BEND6: variants seen among roughly 807,000 people sequenced by gnomAD.
The protein encoded by BEND6 is BEN domain-containing protein 6.
A neutral mutation model predicts 31.8 loss-of-function variants in BEND6; 24 were observed. The ratio of observed to expected loss-of-function variants is 0.75; its 90% CI spans 0.55 to 1.06. BEND6 has a LOEUF of 1.06. BEND6 is among the 50% of genes least tolerant of loss of function. The pLI is 0.00. For synonymous variants in BEND6, 109 were observed against 114.6 expected (o/e 0.95, Z 0.31); for missense variants, 294 against 327.4 (o/e 0.90, Z 0.79).
At chr6:57,021,541 A>G (rs1215067763) in intron 6 of BEND6, among the ~76,000 whole-genome samples, 1 of 151,940 alleles carries the variant, frequency 6.6e-6, no homozygotes, top group Non-Finnish European at 1.5e-5. Context: ...TTTTTTTAAT[A>G]TATTCTTTCT....
At chr6:56,985,846 C>T (rs1826247997) in intron 2 of BEND6, among the ~76,000 whole-genome samples, 1 of 152,090 alleles carries the variant, frequency 6.6e-6, no homozygotes, top group African/African-American at 2.4e-5. Flanking sequence ...GCACTAATAC[C>T]TTATCTATTG....
intron 1 of BEND6, among the ~76,000 whole-genome samples, chr6:56,968,520 C>T (rs1825572569): frequency 6.6e-6 from 1 of 151,110 alleles, no homozygotes; most frequent in African/African-American, 2.4e-5. Flanking sequence ...AATGGATTCT[C>T]ACCATGTTGC....
At chr6:56,974,865 A>G (rs764306996) in intron 1 of BEND6, among the ~76,000 whole-genome samples, 2 of 152,218 alleles carry the variant, frequency 1.3e-5, no homozygotes, top group Non-Finnish European at 2.9e-5. Context: ...TCACATCTAT[A>G]ATCCCAGCAG....
rs1827912880 is a variant in BEND6, at chr6:57,026,670, T to TTTATACA, written c.*598_*599insTTATACA. On this transcript the variant is annotated 3_prime_UTR_variant, in exon 7 of 7. Transcript: ENST00000370746. ...AGGATTATTCTGTTATCTAAAAATG[T>TTTATACA]ATAAAATGGGAATATGAAAAAAATG... 2 of 152,248 alleles carry TTTATACA rather than the reference T, an allele frequency of 1.3e-5. No individual in the cohort carries two copies. The highest frequency in any genetic ancestry group is 2.9e-5 in the Non-Finnish European group (2 of 68,042). The allele number at this position is 152,248 out of a possible 1,614,324, so 9.4% of individuals were successfully genotyped here. A position where few individuals can be genotyped will look rare whatever the true frequency, so the allele number is the denominator to read the frequency against.
At chr6:57,007,470 T>TG (rs751003519) in intron 3 of BEND6, among the ~76,000 whole-genome samples, 11 of 152,048 alleles carry the variant, frequency 7.2e-5, no homozygotes, top group Non-Finnish European at 1.3e-4. Context: ...GACATTGGTC[T>TG]GGAAAAGATT....
chr6:56,986,156 A>C (rs539925461), intron 2 of BEND6, among the ~76,000 whole-genome samples: 135 of 152,312 alleles, frequency 8.9e-4, no homozygotes, highest in African/African-American at 3.1e-3. Flanking sequence ...GGGTATAGCT[A>C]TCTGCCTACT....
At chr6:57,003,802 T>A (rs772203855) in intron 3 of BEND6, among the ~76,000 whole-genome samples, 13 of 152,112 alleles carry the variant, frequency 8.5e-5, no homozygotes, top group Non-Finnish European at 1.5e-4. Context: ...GCAATTCAAA[T>A]CAAACAGCAC....
At chr6:57,004,650 G>A in intron 3 of BEND6, 6 of 1,188,394 alleles carry the variant, frequency 5.0e-6, no homozygotes, top group Non-Finnish European at 7.4e-6. Context: ...ATGCAATGGA[G>A]TGGGCATTAC....
At position 56,976,321 on chromosome 6, in the gene BEND6, G is replaced by A. The variant is rs573424822; in HGVS notation, c.-100-5390G>A. 3.1e-3 allele frequency among the ~76,000 whole-genome samples: 472 copies of A among 150,030 alleles called. 2 individuals carry two copies. Among genetic ancestry groups the A allele is most frequent in the Non-Finnish European group, 4.9e-3 (335 of 67,742 alleles). On this transcript the variant is annotated intron_variant, in intron 1 of 6. Coordinates refer to ENST00000370746, the MANE Select transcript of BEND6 (RefSeq NM_152731.3). ...CGCCATTCTCCTTCCTCAGCCTCCC[G>A]AGTAGCTGGGACTACAGGCGCCCGC...
intron 5 of BEND6, 133 bp downstream of exon 5, chr6:57,017,532 T>C (rs893978522): frequency 2.9e-6 from 2 of 698,050 alleles, no homozygotes; most frequent in African/African-American, 3.7e-5. Context: ...TAGGATAGTC[T>C]AAAGCTCTCA....
chr6:57,026,737 C>T lies in BEND6; in HGVS notation c.*665C>T, dbSNP rs1376827539. The T allele has an allele frequency of 6.6e-6, 1 of 152,092 alleles. No homozygotes were observed. The highest frequency in any genetic ancestry group is 2.4e-5 in the African/African-American group (1 of 41,422). The allele number at this position is 152,092 out of a possible 1,614,324, so 9.4% of individuals were successfully genotyped here. The stretch of plus-strand genomic sequence containing the variant: ...TTATTTTAATGTTAAGCAATTCCAC[C>T]ACACTTCTGAAGAATAAACCTAAGT... On this transcript the variant is annotated 3_prime_UTR_variant, in exon 7 of 7. Transcript: ENST00000370746.
intron 1 of BEND6, among the ~76,000 whole-genome samples, chr6:56,957,858 T>C (rs1159983733): frequency 1.3e-5 from 2 of 152,210 alleles, no homozygotes; most frequent in African/African-American, 4.8e-5. Context: ...CCTTCTTCCC[T>C]TTAGATTCTC....
At chr6:56,965,617 G>A (rs1825445598) in intron 1 of BEND6, among the ~76,000 whole-genome samples, 1 of 150,546 alleles carries the variant, frequency 6.6e-6, no homozygotes, top group African/African-American at 2.4e-5. Flanking sequence ...AGCCTTGATA[G>A]CGCCGCTGCA....
At chr6:56,996,459 A>T (rs1446084032) in intron 3 of BEND6, among the ~76,000 whole-genome samples, 1 of 151,814 alleles carries the variant, frequency 6.6e-6, no homozygotes, top group African/African-American at 2.4e-5. Context: ...ACAAACAAAC[A>T]AAAACAAAAA....
chr6:57,000,056 C>T (rs534191380), intron 3 of BEND6, among the ~76,000 whole-genome samples: 6 of 151,956 alleles, frequency 3.9e-5, no homozygotes, highest in East Asian at 1.9e-4. Context: ...TCTGCCCGGC[C>T]GCCCCGTCTG....
At chr6:56,970,676 T>G (rs1446019125) in intron 1 of BEND6, among the ~76,000 whole-genome samples, 1 of 152,364 alleles carries the variant, frequency 6.6e-6, no homozygotes, top group East Asian at 1.9e-4. Context: ...TAATGTTCCT[T>G]CTGAATTTGC....
chr6:57,002,018 A>T (rs1468841652), intron 3 of BEND6, among the ~76,000 whole-genome samples: 20 of 152,234 alleles, frequency 1.3e-4, no homozygotes, highest in Admixed American at 1.2e-3. Flanking sequence ...AGGGCTAGAG[A>T]AGTATCACAA....
intron 2 of BEND6, among the ~76,000 whole-genome samples, chr6:56,983,889 A>G (rs34027274): frequency 0.12 from 17,980 of 152,176 alleles, 1,372 homozygotes; most frequent in Middle Eastern, 0.2. Flanking sequence ...ACCACAAACA[A>G]TGACAAAGTA....
chr6:57,005,621 A>G (rs529885540), intron 3 of BEND6, among the ~76,000 whole-genome samples: 1 of 151,796 alleles, frequency 6.6e-6, no homozygotes, highest in African/African-American at 2.4e-5. Flanking sequence ...CGGAGGTTGC[A>G]GTGAGCCGAG....
Sources: gnomAD v4.1 joint callset for allele counts (sites outside exome capture counted in the v4.1 genomes callset) on GRCh38, gnomAD v4.1.1 for gene constraint, MANE v1.5 for transcripts, NCBI Gene and HGNC (gene_info 2026-07-23, HGNC 2026-07-21) for gene names.